The following FASTKD1 variants were observed in gnomAD, a reference collection of about 807,000 sequenced individuals.
The protein encoded by FASTKD1 is FAST kinase domains 1, also known as FAST kinase domain-containing protein 1, mitochondrial.
A neutral mutation model predicts 90.9 loss-of-function variants in FASTKD1; 94 were observed. That is an observed-to-expected ratio of 1.03 (90% CI 0.88 to 1.23). FASTKD1 has a LOEUF of 1.23. FASTKD1 is among the 50% of genes most tolerant of loss of function. The probability of loss-of-function intolerance (pLI) is 0.00; values close to 1 mark genes in which losing one functional copy is unlikely to be tolerated. For missense variants in FASTKD1, 945 were observed against 993.5 expected, an observed-to-expected ratio of 0.95 and a Z score of 0.66; for synonymous variants, 319 against 345.8, an observed-to-expected ratio of 0.92 and a Z score of 0.86.
At chr2:169,564,957 T>TC (rs1280101084) in intron 3 of FASTKD1, among the ~76,000 whole-genome samples, 2 of 149,792 alleles carry the variant, frequency 1.3e-5, no homozygotes, top group Non-Finnish European at 3.0e-5. Flanking sequence ...TTTTTCTTTT[T>TC]TTTTTTTTTT....
At chr2:169,561,660 G>A (rs1683606459) in intron 4 of FASTKD1, among the ~76,000 whole-genome samples, 1 of 148,936 alleles carries the variant, frequency 6.7e-6, no homozygotes, top group African/African-American at 2.4e-5. Context: ...TTGTGAATTT[G>A]TTTATAAATT....
chr2:169,546,554 G>A lies in FASTKD1; in HGVS notation c.1365C>T (p.Ala455=). 6.2e-7 allele frequency: 1 copy of A among 1,614,090 alleles called. No individual in the cohort carries two copies. The highest frequency in any genetic ancestry group is 8.5e-7 in the Non-Finnish European group (1 of 1,180,028). The change falls in exon 8 of 15, where the codon GCC becomes GCT. Residue 455 remains alanine, a synonymous_variant. Transcript: ENST00000453153. ...GCTGAATCCATCTTAAAACAGATGT[G>A]GCAAAACTACTCAGGTTATTTAGGT... The part of the protein sequence containing the change: ...QCDLNNLSSF[A]TSVLRWIQHD...
At position 169,537,360 on chromosome 2, in the gene FASTKD1, A is replaced by G. The variant is rs753227985; in HGVS notation, c.2075-20T>C. 6 of 1,433,604 alleles carry G rather than the reference A, an allele frequency of 4.2e-6. No homozygotes were observed. The highest frequency in any genetic ancestry group is 1.8e-4 in the Middle Eastern group (1 of 5,520). The allele number at this position is 1,433,604 out of a possible 1,614,324, so 88.8% of individuals were successfully genotyped here. ...CAATACCTTTATAAAAAAATAAATA[A>G]TTAGTCTACTTAATCTTTTTTTTCT... On this transcript the variant is annotated intron_variant, in intron 11 of 14. Coordinates refer to ENST00000453153, the MANE Select transcript of FASTKD1 (RefSeq NM_024622.6).
chr2:169,550,979 C>T (rs1191667471), intron 7 of FASTKD1, among the ~76,000 whole-genome samples: 2 of 152,194 alleles, frequency 1.3e-5, no homozygotes, highest in African/African-American at 2.4e-5. Flanking sequence ...TCTCCAACCT[C>T]CACTTGGTGT....
chr2:169,564,952 C>CTTTTTTTTTTTTT, intron 3 of FASTKD1, among the ~76,000 whole-genome samples: 1 of 109,014 alleles, frequency 9.2e-6, no homozygotes, highest in Non-Finnish European at 1.9e-5. Context: ...CCACATTTTT[C>CTTTTTTTTTTTTT]TTTTTTTTTT....
intron 3 of FASTKD1, among the ~76,000 whole-genome samples, chr2:169,565,994 C>T (rs1165008438): frequency 6.6e-6 from 1 of 152,156 alleles, no homozygotes; most frequent in African/African-American, 2.4e-5. Flanking sequence ...AATCTCTACT[C>T]AAATCTTTTG....
intron 12 of FASTKD1, 65 bp downstream of exon 12, chr2:169,537,162 A>C: frequency 1.0e-6 from 1 of 974,106 alleles, no homozygotes; most frequent in Non-Finnish European, 1.6e-6. Context: ...TCCAACTGAT[A>C]AGATGATTCT....
chr2:169,565,420 G>A (rs1195353892), intron 3 of FASTKD1, among the ~76,000 whole-genome samples: 1 of 151,304 alleles, frequency 6.6e-6, no homozygotes, highest in Non-Finnish European at 1.5e-5. Flanking sequence ...CCGCCACCAC[G>A]CCCGGCTAAC....
rs553013643 is a variant in FASTKD1, at chr2:169,571,562, T to A, written c.377+91A>T. 5.5e-4 allele frequency: 524 copies of A among 957,566 alleles called. 1 individual carries two copies. The African/African-American group carries it at 7.7e-3, about 14-fold the overall frequency. 59.3% of individuals were successfully genotyped at this position (957,566 alleles called of 1,614,324 possible). On this transcript the variant is annotated intron_variant, in intron 2 of 14. Transcript: ENST00000453153. ...CTGGGCGACAGAGACTCCTCAAAAA[T>A]AAATAAATAAAATGAAAATAAAGAG... is the stretch of plus-strand genomic sequence containing the variant.
intron 4 of FASTKD1, among the ~76,000 whole-genome samples, chr2:169,561,933 TAATTTATTATA>T (rs977091688): frequency 1.4e-5 from 2 of 140,936 alleles, no homozygotes; most frequent in Non-Finnish European, 3.0e-5. Context: ...AATTATTTGT[TAATTTATTATA>T]AATTAATTAT....
At chr2:169,537,156 AC>A in intron 12 of FASTKD1, 70 bp downstream of exon 12, 1 of 946,704 alleles carries the variant, frequency 1.1e-6, no homozygotes, top group South Asian at 1.5e-5. Context: ...AAAAATTCCA[AC>A]TGATAAGATG....
chr2:169,542,544 A>C (rs907241810), intron 9 of FASTKD1, among the ~76,000 whole-genome samples: 1 of 152,204 alleles, frequency 6.6e-6, no homozygotes, highest in Non-Finnish European at 1.5e-5. Context: ...TTTCTATTCT[A>C]CTTTTTTCTA....
At chr2:169,533,770 G>A (rs1684598897) in intron 12 of FASTKD1, among the ~76,000 whole-genome samples, 1 of 152,060 alleles carries the variant, frequency 6.6e-6, no homozygotes, top group Admixed American at 6.6e-5. Context: ...CATATCTGTT[G>A]GCATAGAAAA....
chr2:169,529,983 G>A, intron 14 of FASTKD1, 57 bp from the exon 15 acceptor site: 1 of 1,220,086 alleles, frequency 8.2e-7, no homozygotes, highest in Non-Finnish European at 1.2e-6. Flanking sequence ...AAAAAACATT[G>A]AGGAAGACAT....
chr2:169,552,686 T>A (rs1685542920), intron 7 of FASTKD1, among the ~76,000 whole-genome samples: 2 of 152,108 alleles, frequency 1.3e-5, no homozygotes, highest in South Asian at 4.1e-4. Context: ...AAGTGGGAGC[T>A]AAGCTATGAG....
At chr2:169,530,881 A>T (rs1157810728) in intron 13 of FASTKD1, 180 bp from the exon 14 acceptor site, 1 of 677,490 alleles carries the variant, frequency 1.5e-6, no homozygotes, top group Non-Finnish European at 2.7e-6. Flanking sequence ...ATTTAGTTAC[A>T]CAAAATTATT....
chr2:169,560,882 T>C (rs1683564940), intron 4 of FASTKD1, 97 bp from the exon 5 acceptor site: 1 of 1,048,782 alleles, frequency 9.5e-7, no homozygotes, highest in East Asian at 2.9e-5. Flanking sequence ...AGAGTCTTGC[T>C]ATGTTGCCAG....
At chr2:169,572,764 TAAG>T (rs1272183210) in intron 1 of FASTKD1, among the ~76,000 whole-genome samples, 1 of 152,036 alleles carries the variant, frequency 6.6e-6, no homozygotes, top group African/African-American at 2.4e-5. Flanking sequence ...CAAGAAATAC[TAAG>T]AAATTAAGTA....
rs1219504316 is a variant in FASTKD1, at chr2:169,573,654, A to C, written c.-143+15T>G. The C allele has an allele frequency of 6.6e-6, 1 of 152,180 alleles. No individual in the cohort carries two copies. The highest frequency in any genetic ancestry group is 1.5e-5 in the Non-Finnish European group (1 of 68,088). 9.4% of individuals were successfully genotyped at this position (152,180 alleles called of 1,614,324 possible). The stretch of plus-strand genomic sequence containing the variant: ...GGAAAAGAAAAATAGCCGCTGCCAC[A>C]CAGTCCCGACTTGCCAGCAAGGTTT... On this transcript the variant is annotated intron_variant, in intron 1 of 14. Transcript: ENST00000453153.
Sources: gnomAD v4.1 joint callset for allele counts (sites outside exome capture counted in the v4.1 genomes callset) on GRCh38, gnomAD v4.1.1 for gene constraint, MANE v1.5 for transcripts, NCBI Gene and HGNC (gene_info 2026-07-23, HGNC 2026-07-21) for gene names.